Variants in DGKH observed in about 807,000 individuals in gnomAD.
DGKH encodes diacylglycerol kinase eta.
In DGKH, 90 loss-of-function variants were observed where a neutral mutation model predicts 159.3. The observed-to-expected ratio is 0.57, with a 90% CI of 0.48 to 0.67. The LOEUF is 0.67. Among genes scored for constraint, DGKH ranks in the 30% least tolerant of loss-of-function variants. The pLI is 0.00. For missense variants in DGKH, 1,181 were observed against 1,506.1 expected (o/e 0.78, Z 3.57); for synonymous variants, 536 against 553.8 (o/e 0.97, Z 0.45).
chr13:42,201,288 G>T (rs547269380), intron 20 of DGKH, among the ~76,000 whole-genome samples: 13 of 152,162 alleles, frequency 8.5e-5, no homozygotes, highest in Non-Finnish European at 1.8e-4. Context: ...ACCGTGCCCA[G>T]TTTGGCCACA....
rs532146596 is a variant in DGKH, at chr13:42,048,648, G to A, written c.-126G>A. On this transcript the variant is annotated 5_prime_UTR_variant, in exon 1 of 30. Coordinates refer to ENST00000337343, the MANE Select transcript of DGKH (RefSeq NM_178009.5). The surrounding 1 kb of genome is among the most constrained non-coding windows in gnomAD (Gnocchi z 6.7). Reference sequence around the variant, plus strand: ...GACCCTTACCTCGCGGGGGTAGCTAGGGAAACGGAAGATGGCGGCGGCGGC... The same window carrying A: ...GACCCTTACCTCGCGGGGGTAGCTAAGGAAACGGAAGATGGCGGCGGCGGC... 1.0e-4 allele frequency: 120 copies of A among 1,167,936 alleles called. No individual in the cohort carries two copies. The highest frequency in any genetic ancestry group is 1.7e-4 in the East Asian group (5 of 29,184). 72.3% of individuals were successfully genotyped at this position (1,167,936 alleles called of 1,614,324 possible).
At chr13:42,173,765 C>T (rs139873853) in intron 11 of DGKH, among the ~76,000 whole-genome samples, 11 of 152,070 alleles carry the variant, frequency 7.2e-5, no homozygotes, top group South Asian at 6.2e-4. Flanking sequence ...GGCGTTGTAA[C>T]GTGTGGATTT....
intron 30 of DGKH, among the ~76,000 whole-genome samples, chr13:42,253,905 A>G (rs1181847088): frequency 6.6e-6 from 1 of 152,164 alleles, no homozygotes; most frequent in African/African-American, 2.4e-5. Flanking sequence ...TGGATTTTGC[A>G]ACTTAGTATG....
At chr13:42,163,304 A>G (rs1013668672) in intron 7 of DGKH, among the ~76,000 whole-genome samples, 11 of 152,052 alleles carry the variant, frequency 7.2e-5, no homozygotes, top group Admixed American at 6.6e-4. Context: ...GCTTTTGTGA[A>G]TAGTGCCGCA....
rs1304756851 is a variant in DGKH at position 42,207,120 on chromosome 13, TCTC to T, written c.2601+975_2601+977del. 1.7e-3 allele frequency among the ~76,000 whole-genome samples: 93 copies of T among 54,650 alleles called. 7 individuals are homozygous for T. Among genetic ancestry groups the T allele is most frequent in the Non-Finnish European group, 2.8e-3 (61 of 21,668 alleles). 35.9% of individuals were successfully genotyped at this position (54,650 alleles called of 152,430 possible). A position where few individuals can be genotyped will look rare whatever the true frequency, so the allele number is the denominator to read the frequency against. ...TTCTTTCTTTCTTTCTTTCTCTTTC[TCTC>T]TCCTTCCTTCCTTCCTTCCTTCCTT... On this transcript the variant is annotated intron_variant, in intron 21 of 29. Transcript: ENST00000337343.
chr13:42,185,314 G>A (rs1956888865), intron 13 of DGKH, among the ~76,000 whole-genome samples: 2 of 152,190 alleles, frequency 1.3e-5, no homozygotes, highest in African/African-American at 2.4e-5. Flanking sequence ...CTTGTGTGGC[G>A]AGCACTCTCC....
intron 17 of DGKH, chr13:42,195,682 T>C (rs1279341505): frequency 1.3e-5 from 2 of 152,244 alleles, no homozygotes; most frequent in Non-Finnish European, 2.9e-5. Context: ...TTCTGCTGAA[T>C]CCTTTTGGTT....
chr13:42,131,491 A>T (rs1287076601), intron 3 of DGKH, among the ~76,000 whole-genome samples: 2 of 152,244 alleles, frequency 1.3e-5, no homozygotes, highest in Non-Finnish European at 1.5e-5. Context: ...ATATATTTCA[A>T]AACCAAATAC....
intron 23 of DGKH, among the ~76,000 whole-genome samples, chr13:42,210,109 A>G (rs1245376945): frequency 6.6e-6 from 1 of 151,596 alleles, no homozygotes; most frequent in East Asian, 1.9e-4. Flanking sequence ...TAGTATATAT[A>G]AAATAGTAAA....
At chr13:42,100,073 G>A (rs1381961951) in intron 1 of DGKH, among the ~76,000 whole-genome samples, 2 of 152,230 alleles carry the variant, frequency 1.3e-5, no homozygotes, top group Non-Finnish European at 2.9e-5. Flanking sequence ...TAGGAGGTGA[G>A]TGGGGGGCAA....
intron 1 of DGKH, among the ~76,000 whole-genome samples, chr13:42,107,971 A>G (rs17597775): frequency 0.085 from 12,959 of 152,230 alleles, 811 homozygotes; most frequent in Non-Finnish European, 0.13. Flanking sequence ...CCCTTTTATT[A>G]GTGCCAACCT....
At chr13:42,100,900 A>G (rs1380424933) in intron 1 of DGKH, among the ~76,000 whole-genome samples, 1 of 152,194 alleles carries the variant, frequency 6.6e-6, no homozygotes, top group African/African-American at 2.4e-5. Flanking sequence ...TGGTGGGGGC[A>G]AGTAGACTTA....
rs1955895125 is a variant in DGKH at position 42,151,558 on chromosome 13, T to A, written c.385-3733T>A. 2.9e-5 allele frequency among the ~76,000 whole-genome samples: 3 copies of A among 104,094 alleles called. No individual in the cohort carries two copies. The South Asian group carries it at 1.4e-3, about 49-fold the overall frequency. 68.3% of individuals were successfully genotyped at this position (104,094 alleles called of 152,430 possible). A position where few individuals can be genotyped will look rare whatever the true frequency, so the allele number is the denominator to read the frequency against. On this transcript the variant is annotated intron_variant, in intron 3 of 29. Coordinates refer to ENST00000337343, the MANE Select transcript of DGKH (RefSeq NM_178009.5). Reference sequence around the variant, plus strand: ...ATATATATATATACACGTGTATATATGTAGTTTCACTTATATGTATACACA... The same window carrying A: ...ATATATATATATACACGTGTATATAAGTAGTTTCACTTATATGTATACACA...
Position 42,190,519 on chromosome 13 carries a change from A to G in DGKH, c.2029A>G (p.Ile677Val). 6.3e-6 allele frequency: 10 copies of G among 1,582,982 alleles called. No individual in the cohort carries two copies. The highest frequency in any genetic ancestry group is 8.5e-6 in the Non-Finnish European group (10 of 1,169,966). ...TAAAGATGATGGTGCCAAAGAATCA[A>G]TAACTGGTGAGGAAACTGGGAAAAA... Reference protein sequence around the residue: ...EAKDDGAKESITVKTAPRSPD... With the variant: ...EAKDDGAKESVTVKTAPRSPD... Residue 677 changes from isoleucine (I) to valine (V), a missense_variant, in exon 16 of 30, where the codon ATA (isoleucine) becomes GTA (valine). Transcript: ENST00000337343.
chr13:42,100,423 G>A (rs1954631640), intron 1 of DGKH, among the ~76,000 whole-genome samples: 1 of 152,078 alleles, frequency 6.6e-6, no homozygotes, highest in Non-Finnish European at 1.5e-5. Flanking sequence ...TAAATGTAAT[G>A]TGCTTGAGTC....
At chr13:42,136,638 TAGAA>T (rs1447126617) in intron 3 of DGKH, among the ~76,000 whole-genome samples, 1 of 152,212 alleles carries the variant, frequency 6.6e-6, no homozygotes, top group East Asian at 1.9e-4. Context: ...TTGTTTGAAG[TAGAA>T]AGAAATACAT....
upstream of DGKH, among the ~76,000 whole-genome samples, chr13:42,046,312 T>G (rs999146752): frequency 6.6e-6 from 1 of 152,252 alleles, no homozygotes; most frequent in Non-Finnish European, 1.5e-5. Context: ...ATTGAGACCT[T>G]GACCTTGTAA....
intron 5 of DGKH, among the ~76,000 whole-genome samples, chr13:42,158,429 G>C (rs10459372): frequency 0.35 from 53,676 of 152,008 alleles, 9,995 homozygotes; most frequent in Non-Finnish European, 0.42. Flanking sequence ...TCCTTAGAGA[G>C]ATAAACATGT....
At chr13:42,083,138 T>C (rs1427422204) in intron 1 of DGKH, among the ~76,000 whole-genome samples, 3 of 152,228 alleles carry the variant, frequency 2.0e-5, no homozygotes, top group Non-Finnish European at 2.9e-5. Context: ...GATTAGTGAA[T>C]ATAAATGAAG....
Sources: allele counts gnomAD v4.1 joint callset (sites outside exome capture counted in the v4.1 genomes callset), GRCh38; gene constraint gnomAD v4.1.1; non-coding constraint Gnocchi (gnomAD v3.1); transcripts MANE v1.5; gene names NCBI Gene and HGNC (gene_info 2026-07-23, HGNC 2026-07-21).